ABL1: variants seen among roughly 807,000 people sequenced by gnomAD.
ABL1 encodes the protein tyrosine-protein kinase ABL1.
Under a neutral mutation model 94.7 loss-of-function variants are expected in ABL1, and 11 were observed. The ratio of observed to expected loss-of-function variants is 0.12; its 90% CI spans 0.07 to 0.19. The LOEUF is 0.19. Among genes scored for constraint, ABL1 ranks in the 10% least tolerant of loss-of-function variants. The pLI, the probability that ABL1 is intolerant of heterozygous loss-of-function variation, is 1.00. For missense variants in ABL1, 1,082 were observed against 1,489.4 expected (o/e 0.73, Z 4.50); for synonymous variants, 656 against 622.4 (o/e 1.05, Z -0.80).
intron 1 of ABL1, among the ~76,000 whole-genome samples, chr9:130,836,309 T>A (rs1222557922): frequency 6.6e-6 from 1 of 152,190 alleles, no homozygotes; most frequent in African/African-American, 2.4e-5. Flanking sequence ...TACATCTGTT[T>A]TATTTTATTT....
intron 1 of ABL1, among the ~76,000 whole-genome samples, chr9:130,725,647 G>A (rs999413136): frequency 2.0e-5 from 3 of 150,864 alleles, no homozygotes; most frequent in Admixed American, 6.6e-5. Flanking sequence ...CCCAAAGTGC[G>A]GGGATTACAG....
chr9:130,848,005 A>G (rs1830799658), intron 1 of ABL1, among the ~76,000 whole-genome samples: 1 of 152,184 alleles, frequency 6.6e-6, no homozygotes, highest in Non-Finnish European at 1.5e-5. Context: ...GTTTGATAGA[A>G]GAGGTCAAAT....
chr9:130,862,804 G>A lies in ABL1; in HGVS notation c.591G>A (p.Glu197=), dbSNP rs1168798107. 3.1e-6 allele frequency: 5 copies of A among 1,613,956 alleles called. No homozygotes were observed. In the South Asian group the frequency reaches 3.3e-5, roughly 11 times the overall value. The change falls in exon 4 of 11, where the codon GAG becomes GAA. Residue 197 remains glutamate, a synonymous_variant. Transcript: ENST00000318560. This position sits in a 1 kb window ranked among gnomAD's most constrained non-coding sequence, Gnocchi z 5.5. ...SSESRFNTLA[E]LVHHHSTVAD... Reference sequence around the variant, plus strand: ...AGAGCCGCTTCAACACCCTGGCCGAGTTGGTTCATCATCATTCAACGGTGG... The same window carrying A: ...AGAGCCGCTTCAACACCCTGGCCGAATTGGTTCATCATCATTCAACGGTGG...
intron 1 of ABL1, among the ~76,000 whole-genome samples, chr9:130,822,330 C>T (rs902262212): frequency 3.3e-5 from 5 of 152,064 alleles, no homozygotes; most frequent in Non-Finnish European, 7.4e-5. Context: ...CAAACTATTT[C>T]CTAAAGTGAC....
intron 1 of ABL1, among the ~76,000 whole-genome samples, chr9:130,754,506 T>C (rs1163318723): frequency 2.2e-5 from 1 of 45,618 alleles, no homozygotes; most frequent in East Asian, 1.3e-3. Context: ...AGACTCCGTC[T>C]CAAAAAAAAA....
At chr9:130,799,323 T>C (rs1361060536) in intron 1 of ABL1, among the ~76,000 whole-genome samples, 3 of 152,102 alleles carry the variant, frequency 2.0e-5, no homozygotes, top group African/African-American at 4.8e-5. Context: ...GAAAGAATTA[T>C]TGATGGGTTA....
At chr9:130,844,782 CAA>C (rs997128601) in intron 1 of ABL1, among the ~76,000 whole-genome samples, 1 of 152,132 alleles carries the variant, frequency 6.6e-6, no homozygotes, top group Non-Finnish European at 1.5e-5. Flanking sequence ...GCCTGAATGA[CAA>C]GAGTGAAACT....
intron 1 of ABL1, among the ~76,000 whole-genome samples, chr9:130,836,979 C>T (rs921906210): frequency 2.6e-5 from 4 of 152,052 alleles, no homozygotes; most frequent in African/African-American, 9.7e-5. Flanking sequence ...TTTCCTTAAC[C>T]TCTGACTCTA....
chr9:130,780,403 G>T (rs1327993548), intron 1 of ABL1, among the ~76,000 whole-genome samples: 2 of 152,192 alleles, frequency 1.3e-5, no homozygotes, highest in Admixed American at 6.5e-5. Context: ...TGATGCTGAG[G>T]TTATCTGGAT....
intron 1 of ABL1, among the ~76,000 whole-genome samples, chr9:130,755,974 C>T (rs1427109136): frequency 5.3e-5 from 8 of 152,010 alleles, no homozygotes; most frequent in Non-Finnish European, 1.5e-5. Context: ...TGTCAAAACA[C>T]AGAGAAAAGT....
chr9:130,774,156 A>C (rs7031102), intron 1 of ABL1, among the ~76,000 whole-genome samples: 2,280 of 152,226 alleles, frequency 0.015, 37 homozygotes, highest in Middle Eastern at 0.048. Flanking sequence ...ATGGACCATA[A>C]TTTGTTTATT....
chr9:130,799,756 G>A (rs11244146), intron 1 of ABL1, among the ~76,000 whole-genome samples: 34,673 of 151,914 alleles, frequency 0.23, 4,924 homozygotes, highest in African/African-American at 0.41. Context: ...GTAACTCCTC[G>A]GAGACTTCCA....
intron 1 of ABL1, among the ~76,000 whole-genome samples, chr9:130,733,305 G>C (rs1831689781): frequency 6.6e-6 from 1 of 152,130 alleles, no homozygotes; most frequent in Middle Eastern, 3.2e-3. Context: ...GATTTGCCTT[G>C]GTAGTGAATA....
chr9:130,763,871 G>A (rs980222446), intron 1 of ABL1, among the ~76,000 whole-genome samples: 5 of 152,178 alleles, frequency 3.3e-5, no homozygotes, highest in South Asian at 4.1e-4. Context: ...ATCAGTGGGG[G>A]CATTTTGGAG....
chr9:130,714,155 T>G (rs1225745613), exon 1 of ABL1: 2 of 596,972 alleles, frequency 3.4e-6, no homozygotes, highest in Non-Finnish European at 5.0e-6. Context: ...AAAAAAGTGC[T>G]TCCTTTTGTT....
intron 4 of ABL1, among the ~76,000 whole-genome samples, chr9:130,864,541 G>A (rs572434416): frequency 4.9e-4 from 75 of 152,238 alleles, no homozygotes; most frequent in African/African-American, 1.3e-3. Context: ...CACCACACCC[G>A]GCCCTGGACT....
chr9:130,786,891 C>T (rs752700774), intron 1 of ABL1, among the ~76,000 whole-genome samples: 7 of 152,132 alleles, frequency 4.6e-5, no homozygotes, highest in Non-Finnish European at 1.0e-4. Flanking sequence ...AGAAAAGTAT[C>T]GGAAAACTAG....
At chr9:130,826,947 G>A (rs562882271) in intron 1 of ABL1, among the ~76,000 whole-genome samples, 13 of 152,262 alleles carry the variant, frequency 8.5e-5, no homozygotes, top group East Asian at 3.9e-4. Context: ...GCGTGGTGGC[G>A]GGCGCCTGTA....
At chr9:130,766,519 A>G (rs1034452271) in intron 1 of ABL1, among the ~76,000 whole-genome samples, 4 of 152,108 alleles carry the variant, frequency 2.6e-5, no homozygotes, top group African/African-American at 9.7e-5. Context: ...AGGCACTTGC[A>G]GGGGCCTTTT....
Sources: allele counts gnomAD v4.1 joint callset (sites outside exome capture counted in the v4.1 genomes callset), GRCh38; gene constraint gnomAD v4.1.1; non-coding constraint Gnocchi (gnomAD v3.1); transcripts MANE v1.5; gene names NCBI Gene and HGNC (gene_info 2026-07-23, HGNC 2026-07-21).